The following MINK1 variants were observed in gnomAD, a reference collection of about 807,000 sequenced individuals.
MINK1 encodes misshapen-like kinase 1.
Under a neutral mutation model 178.4 loss-of-function variants are expected in MINK1, and 46 were observed. The observed-to-expected ratio is 0.26, with a 90% CI of 0.20 to 0.33. The LOEUF (loss-of-function observed/expected upper bound fraction) is 0.33. Ranked by LOEUF, MINK1 falls within the 10% of genes least tolerant of loss-of-function variation. The pLI is 1.00. For synonymous variants in MINK1, 797 were observed against 709.7 expected, an observed-to-expected ratio of 1.12 and a Z score of -1.96; for missense variants, 1,366 against 1,814.9, an observed-to-expected ratio of 0.75 and a Z score of 4.49.
chr17:4,897,438 G>A lies in MINK1; in HGVS notation c.*151G>A, dbSNP rs992359818. 9 of 647,888 alleles carry A rather than the reference G, an allele frequency of 1.4e-5. No homozygotes were observed. The Admixed American group carries it at 2.6e-4, about 19-fold the overall frequency. The allele number at this position is 647,888 out of a possible 1,614,324, so 40.1% of individuals were successfully genotyped here. A position where few individuals can be genotyped will look rare whatever the true frequency, so the allele number is the denominator to read the frequency against. On this transcript the variant is annotated 3_prime_UTR_variant, in exon 32 of 32. Transcript: ENST00000355280. ...GCTGGGAACGTGACCTCTGACCCCT[G>A]ATGCTTTCGTGATCACGTGACCATC...
intron 2 of MINK1, among the ~76,000 whole-genome samples, chr17:4,880,682 G>A (rs1170944139): frequency 2.0e-5 from 3 of 150,590 alleles, no homozygotes; most frequent in East Asian, 2.0e-4. Flanking sequence ...GGCGGATCAC[G>A]AGGTCAGGAG....
intron 1 of MINK1, among the ~76,000 whole-genome samples, chr17:4,853,395 T>TTGG (rs1737753691): frequency 1.7e-5 from 1 of 58,364 alleles, no homozygotes; most frequent in Non-Finnish European, 3.1e-5. Flanking sequence ...AAGAGTGTGG[T>TTGG]TGGGGGAGTG....
In MINK1 at chr17:4,892,696, T is replaced by C. The variant is rs563382192; in HGVS notation, c.2239T>C (p.Ser747Pro). ...GAGGAGCGACCCTGGCTGGGAACGCTCGGACAGCGTCCTTCCAGCCTCTCA... is the reference window on the plus strand; with the variant it reads ...GAGGAGCGACCCTGGCTGGGAACGCCCGGACAGCGTCCTTCCAGCCTCTCA... ...LRRSDPGWER[S>P]DSVLPASHGH... The change falls in exon 19 of 32, where the codon TCG becomes CCG. Residue 747 changes from serine (S) to proline (P), a missense_variant. Coordinates refer to ENST00000355280, the MANE Select transcript of MINK1 (RefSeq NM_153827.5). The C allele has an allele frequency of 1.2e-6, 2 of 1,611,840 alleles. No homozygotes were observed. The highest frequency in any genetic ancestry group is 2.2e-5 in the East Asian group (1 of 44,878).
chr17:4,846,299 C>A (rs1911021855), intron 1 of MINK1, among the ~76,000 whole-genome samples: 1 of 152,192 alleles, frequency 6.6e-6, no homozygotes. Flanking sequence ...CTCATGAGGT[C>A]TTTTTTCTCT....
intron 1 of MINK1, among the ~76,000 whole-genome samples, chr17:4,863,034 C>T (rs1450923482): frequency 6.6e-6 from 1 of 152,100 alleles, no homozygotes; most frequent in Non-Finnish European, 1.5e-5. Context: ...GACCCTGCCT[C>T]ACAAAACAAA....
At chr17:4,853,772 A>G (rs578194998) in intron 1 of MINK1, among the ~76,000 whole-genome samples, 58 of 152,146 alleles carry the variant, frequency 3.8e-4, no homozygotes, top group Non-Finnish European at 6.9e-4. Context: ...TGGGAGAGAG[A>G]CAGAATCAAA....
intron 1 of MINK1, among the ~76,000 whole-genome samples, chr17:4,839,523 A>G (rs1909857908): frequency 6.6e-6 from 1 of 152,218 alleles, no homozygotes; most frequent in African/African-American, 2.4e-5. Flanking sequence ...GTATAGTAAG[A>G]TACAAAAACG....
chr17:4,897,014 G>T (rs185757048), intron 31 of MINK1, 190 bp from the exon 32 acceptor site: 2 of 894,576 alleles, frequency 2.2e-6, no homozygotes, highest in African/African-American at 3.4e-5. Flanking sequence ...CCCAGGGGGC[G>T]AGTGGTGCAC....
rs1969570845 is a variant in MINK1, at chr17:4,896,911, C to T, written c.3915+98C>T. 6.9e-7 allele frequency: 1 copy of T among 1,448,080 alleles called. No individual in the cohort carries two copies. The highest frequency in any genetic ancestry group is 1.4e-5 in the African/African-American group (1 of 70,064). The allele number at this position is 1,448,080 out of a possible 1,614,324, so 89.7% of individuals were successfully genotyped here. A position where few individuals can be genotyped will look rare whatever the true frequency, so the allele number is the denominator to read the frequency against. On this transcript the variant is annotated intron_variant, in intron 31 of 31. Coordinates refer to ENST00000355280, the MANE Select transcript of MINK1 (RefSeq NM_153827.5). The surrounding 1 kb of genome is among the most constrained non-coding windows in gnomAD (Gnocchi z 4.6). ...GGGGAGAGGATGGTGGTGGTGGCTT[C>T]CTGAAAGCGGGCCCCTCTGGGAGCT...
At position 4,885,442 on chromosome 17, in the gene MINK1, G is replaced by A. The variant is rs368134320; in HGVS notation, c.509-41G>A. On this transcript the variant is annotated intron_variant, in intron 6 of 31. Transcript: ENST00000355280. The surrounding 1 kb of genome is among the most constrained non-coding windows in gnomAD (Gnocchi z 5.0). ...CAGGGATGTGAGGCAAGGGAGCAGA[G>A]GTGACTCCCCACACTGACCCCTCCC... 19 of 1,607,788 alleles carry A rather than the reference G, an allele frequency of 1.2e-5. No homozygotes were observed. The highest frequency in any genetic ancestry group is 1.5e-5 in the Non-Finnish European group (18 of 1,176,508).
At chr17:4,865,768 G>A (rs1317860210) in intron 1 of MINK1, among the ~76,000 whole-genome samples, 1 of 150,348 alleles carries the variant, frequency 6.7e-6, no homozygotes, top group African/African-American at 2.4e-5. Context: ...TGGTGTGTGT[G>A]CTTGTAGTCC....
chr17:4,841,951 G>T (rs571816591), intron 1 of MINK1, among the ~76,000 whole-genome samples: 3 of 152,250 alleles, frequency 2.0e-5, no homozygotes, highest in South Asian at 2.1e-4. Context: ...ACCGGGCACG[G>T]TGGCTCACGC....
chr17:4,894,323 G>T lies in MINK1; in HGVS notation c.2808+12G>T. ...ATGGGAGTGGTGACGTAAGTGGGCCGGAGGCAGGTCCGCCGGGAGAGAAGA... is the reference window on the plus strand; with the variant it reads ...ATGGGAGTGGTGACGTAAGTGGGCCTGAGGCAGGTCCGCCGGGAGAGAAGA... On this transcript the variant is annotated intron_variant, in intron 23 of 31. Coordinates refer to ENST00000355280, the MANE Select transcript of MINK1 (RefSeq NM_153827.5). This position sits in a 1 kb window ranked among gnomAD's most constrained non-coding sequence, Gnocchi z 4.1. 1 of 1,609,676 alleles carries T rather than the reference G, an allele frequency of 6.2e-7. No individual in the cohort carries two copies. Among genetic ancestry groups the T allele is most frequent in the Non-Finnish European group, 8.5e-7 (1 of 1,178,674 alleles).
chr17:4,895,686 T>C lies in MINK1; in HGVS notation c.3230-12T>C. 3 of 1,612,370 alleles carry C rather than the reference T, an allele frequency of 1.9e-6. No individual in the cohort carries two copies. Among genetic ancestry groups the C allele is most frequent in the Non-Finnish European group, 2.5e-6 (3 of 1,179,254 alleles). ...GAATGGGGGCGGGTGTGTATGTCTG[T>C]CCGTCCCTCAGGGAAAAGGAACAAA... On this transcript the variant is annotated splice_polypyrimidine_tract_variant and intron_variant, in intron 26 of 31. Coordinates refer to ENST00000355280, the MANE Select transcript of MINK1 (RefSeq NM_153827.5). The surrounding 1 kb of genome is among the most constrained non-coding windows in gnomAD (Gnocchi z 4.3).
Position 4,896,871 on chromosome 17 carries a change from C to A in MINK1, c.3915+58C>A. The A allele has an allele frequency of 1.3e-6, 2 of 1,510,148 alleles. No individual in the cohort carries two copies. The highest frequency in any genetic ancestry group is 2.3e-5 in the East Asian group (1 of 43,558). The allele number at this position is 1,510,148 out of a possible 1,614,324, so 93.5% of individuals were successfully genotyped here. On this transcript the variant is annotated intron_variant, in intron 31 of 31. Coordinates refer to ENST00000355280, the MANE Select transcript of MINK1 (RefSeq NM_153827.5). This position sits in a 1 kb window ranked among gnomAD's most constrained non-coding sequence, Gnocchi z 4.6. ...GTCCCGGCTGCCATGACCCTAGGCC[C>A]CTGGGCAGAGTTCTGGGGAGAGGAT...
chr17:4,896,133 C>A lies in MINK1; in HGVS notation c.3465+30C>A. The A allele has an allele frequency of 6.2e-7, 1 of 1,606,808 alleles. No individual in the cohort carries two copies. The highest frequency in any genetic ancestry group is 8.5e-7 in the Non-Finnish European group (1 of 1,176,482). On this transcript the variant is annotated intron_variant, in intron 28 of 31. Coordinates refer to ENST00000355280, the MANE Select transcript of MINK1 (RefSeq NM_153827.5). The surrounding 1 kb of genome is among the most constrained non-coding windows in gnomAD (Gnocchi z 4.6). ...TCCCAGCCTCGGTCCCTAACACCAT[C>A]TGGAGTCCCAGCGCCTCTCCCCGTG...
Position 4,896,328 on chromosome 17 carries a change from T to C in MINK1, c.3601T>C (p.Tyr1201His), listed in dbSNP as rs1177331428. Residue 1201 changes from tyrosine (Y) to histidine (H), a missense_variant, in exon 29 of 32, where the codon TAC (tyrosine) becomes CAC (histidine). By Grantham distance (83) the Tyr-to-His change is moderately conservative. Around this residue, in one of 14 missense-constraint regions of MINK1, gnomAD observed 201 missense variants for 240.7 expected, o/e 0.84. Transcript: ENST00000355280. This position sits in a 1 kb window ranked among gnomAD's most constrained non-coding sequence, Gnocchi z 4.6. Reference protein sequence around the residue: ...DVDSGNSYDIYIPVHIQSQIT... With the variant: ...DVDSGNSYDIHIPVHIQSQIT... ...CGACTCGGGGAACAGCTATGACATC[T>C]ACATCCCTGTGCACGTGAGCTTGGC... 6.3e-7 allele frequency: 1 copy of C among 1,599,434 alleles called. No homozygotes were observed. Among genetic ancestry groups the C allele is most frequent in the Non-Finnish European group, 8.5e-7 (1 of 1,172,262 alleles).
rs79171047 is a variant in MINK1, at chr17:4,856,046, G to C, written c.58-22271G>C. 7.7e-3 allele frequency among the ~76,000 whole-genome samples: 1,173 copies of C among 152,002 alleles called. 16 individuals are homozygous for C. Among genetic ancestry groups the C allele is most frequent in the Middle Eastern group, 0.031 (9 of 292 alleles). On this transcript the variant is annotated intron_variant, in intron 1 of 31. Coordinates refer to ENST00000355280, the MANE Select transcript of MINK1 (RefSeq NM_153827.5). ...AGGAAATTGATGAGGGTATCAGCCT[G>C]CCTTCTCTCTTCCTTTCATTTGCTC...
At chr17:4,847,946 C>T (rs1441158848) in intron 1 of MINK1, among the ~76,000 whole-genome samples, 1 of 151,994 alleles carries the variant, frequency 6.6e-6, no homozygotes. Context: ...CTTTGGGAGG[C>T]AGAGGTGGGT....
Sources: allele counts gnomAD v4.1 joint callset (sites outside exome capture counted in the v4.1 genomes callset), GRCh38; gene constraint gnomAD v4.1.1; regional missense constraint gnomAD v4.1.1; non-coding constraint Gnocchi (gnomAD v3.1); transcripts MANE v1.5; gene names NCBI Gene and HGNC (gene_info 2026-07-23, HGNC 2026-07-21).